Variants in LYPD6B observed in about 807,000 individuals in gnomAD.
The protein encoded by LYPD6B is ly6/PLAUR domain-containing protein 6B.
A neutral mutation model predicts 22.8 loss-of-function variants in LYPD6B; 17 were observed. The ratio of observed to expected loss-of-function variants is 0.75; its 90% CI spans 0.51 to 1.12. The LOEUF is 1.12. LYPD6B is among the 50% of genes most tolerant of loss of function. The pLI, the probability that LYPD6B is intolerant of heterozygous loss-of-function variation, is 0.00. For missense variants in LYPD6B, 221 were observed against 258.3 expected (o/e 0.86, Z 0.99); for synonymous variants, 106 against 91.6 (o/e 1.16, Z -0.90).
rs1408924279 is a variant in LYPD6B, at chr2:149,061,463, G to T, written c.-67+22662G>T. ...TTGCATTTTTGGTGGATTCCTTGGG[G>T]TTTTCTTTCTTCTCCCTGGTAGCCC... is the stretch of plus-strand genomic sequence containing the variant. On this transcript the variant is annotated intron_variant, in intron 1 of 6. Transcript: ENST00000409642. Among the ~76,000 whole-genome samples, 5 of 152,094 alleles carry T rather than the reference G, an allele frequency of 3.3e-5. No individual in the cohort carries two copies. The East Asian group carries it at 9.6e-4, about 29-fold the overall frequency.
intron 3 of LYPD6B, among the ~76,000 whole-genome samples, chr2:149,173,792 T>C (rs989530619): frequency 5.3e-5 from 8 of 152,092 alleles, no homozygotes; most frequent in African/African-American, 1.9e-4. Context: ...AACCAGCTAC[T>C]TATCTGCACA....
chr2:149,165,402 T>C (rs1392632441), intron 3 of LYPD6B, among the ~76,000 whole-genome samples: 2 of 152,142 alleles, frequency 1.3e-5, no homozygotes, highest in East Asian at 3.8e-4. Context: ...ATAAAAGCAA[T>C]CTGAAATTAC....
At chr2:149,120,379 A>ATTTTTTTTTTT (rs1371894805) in intron 1 of LYPD6B, among the ~76,000 whole-genome samples, 1 of 43,684 alleles carries the variant, frequency 2.3e-5, no homozygotes, top group African/African-American at 1.3e-4. Context: ...ATATATATAT[A>ATTTTTTTTTTT]TATATTTTTT....
intron 1 of LYPD6B, among the ~76,000 whole-genome samples, chr2:149,117,545 A>G (rs1205850670): frequency 1.3e-5 from 2 of 152,168 alleles, no homozygotes; most frequent in African/African-American, 4.8e-5. Flanking sequence ...TGCTGGGTTA[A>G]GGCTTTTGGA....
At position 149,163,116 on chromosome 2, in the gene LYPD6B, T is replaced by C. The variant is rs187833862; in HGVS notation, c.77+2281T>C. ...GCTCTGTGCCAAAACTAGCTGTAAGTTACTTTATTTTATGGCATCTTCATC... is the reference window on the plus strand; with the variant it reads ...GCTCTGTGCCAAAACTAGCTGTAAGCTACTTTATTTTATGGCATCTTCATC... On this transcript the variant is annotated intron_variant, in intron 3 of 6. Transcript: ENST00000409642. 5.0e-3 allele frequency among the ~76,000 whole-genome samples: 767 copies of C among 152,266 alleles called. 6 individuals are homozygous for C. The highest frequency in any genetic ancestry group is 0.011 in the South Asian group (55 of 4,818).
At chr2:149,069,939 GGTGT>G (rs373627034) in intron 1 of LYPD6B, among the ~76,000 whole-genome samples, 2 of 150,420 alleles carry the variant, frequency 1.3e-5, no homozygotes, top group Non-Finnish European at 3.0e-5. Context: ...AGAGATGGGT[GGTGT>G]GTGTGTGTGT....
At chr2:149,062,975 G>GAGCT (rs1175921820) in intron 1 of LYPD6B, among the ~76,000 whole-genome samples, 1 of 151,170 alleles carries the variant, frequency 6.6e-6, no homozygotes, top group Admixed American at 6.6e-5. Flanking sequence ...GGTAAAGAAG[G>GAGCT]AGCTGCAAGG....
rs370921735 is a variant in LYPD6B, at chr2:149,104,005, T to C, written c.-66-26878T>C. ...GTTGGTCAGGCTGGTCTCAAACTCC[T>C]GACCTCAAGTAATCTGTCCACTTCG... On this transcript the variant is annotated intron_variant, in intron 1 of 6. Transcript: ENST00000409642. Among the ~76,000 whole-genome samples the C allele has an allele frequency of 6.6e-5, 10 of 152,032 alleles. 1 individual carries two copies. The highest frequency in any genetic ancestry group is 3.9e-4 in the East Asian group (2 of 5,182).
chr2:149,129,189 C>T (rs1206294408), intron 1 of LYPD6B, among the ~76,000 whole-genome samples: 1 of 152,140 alleles, frequency 6.6e-6, no homozygotes, highest in Non-Finnish European at 1.5e-5. Flanking sequence ...GGAAGAATGA[C>T]CAAAATCCAT....
chr2:149,055,738 T>C (rs951713989), intron 1 of LYPD6B, among the ~76,000 whole-genome samples: 5 of 152,262 alleles, frequency 3.3e-5, no homozygotes, highest in Non-Finnish European at 7.3e-5. Context: ...GAAATCTTGC[T>C]GAACTTGTCA....
intron 3 of LYPD6B, among the ~76,000 whole-genome samples, chr2:149,183,445 AT>A (rs70994563): frequency 0.18 from 26,960 of 151,594 alleles, 2,544 homozygotes; most frequent in East Asian, 0.36. Flanking sequence ...TAAGAAAATA[AT>A]TTTTTTTTCC....
At chr2:149,076,969 T>C (rs1008011492) in intron 1 of LYPD6B, among the ~76,000 whole-genome samples, 3 of 152,146 alleles carry the variant, frequency 2.0e-5, no homozygotes, top group African/African-American at 7.2e-5. Context: ...AAACTCTTAG[T>C]AGGGAGAAGT....
intron 2 of LYPD6B, 76 bp downstream of exon 2, chr2:149,131,029 C>A: frequency 2.1e-6 from 2 of 957,514 alleles, no homozygotes; most frequent in South Asian, 1.4e-5. Flanking sequence ...ATGAGCTACT[C>A]ATGCTTCGCA....
chr2:149,082,397 C>T (rs1362369563), intron 1 of LYPD6B, among the ~76,000 whole-genome samples: 1 of 152,138 alleles, frequency 6.6e-6, no homozygotes, highest in Non-Finnish European at 1.5e-5. Context: ...GTGATATATT[C>T]TTTCTCATGA....
intron 4 of LYPD6B, among the ~76,000 whole-genome samples, 159 bp downstream of exon 4, chr2:149,205,563 T>A (rs1039244198): frequency 6.6e-6 from 1 of 152,196 alleles, no homozygotes; most frequent in African/African-American, 2.4e-5. Flanking sequence ...GGTAAGCATA[T>A]GGTAAGTGAA....
intron 5 of LYPD6B, among the ~76,000 whole-genome samples, chr2:149,210,690 G>C (rs1693788876): frequency 6.6e-6 from 1 of 152,142 alleles, no homozygotes; most frequent in Non-Finnish European, 1.5e-5. Context: ...ATTTACCCCG[G>C]CTTTTATGCT....
chr2:149,171,106 G>A (rs527262649), intron 3 of LYPD6B, among the ~76,000 whole-genome samples: 40 of 152,280 alleles, frequency 2.6e-4, no homozygotes, highest in African/African-American at 8.4e-4. Flanking sequence ...GTTGCAGGTG[G>A]GAGCAGCCAC....
chr2:149,129,530 GCTTTGTGGATTTCCTCCTC>G, intron 1 of LYPD6B, among the ~76,000 whole-genome samples: 1 of 152,222 alleles, frequency 6.6e-6, no homozygotes, highest in Non-Finnish European at 1.5e-5. Context: ...TGACTAATAA[GCTTTGTGGATTTCCTCCTC>G]GTGGTTTATA....
At chr2:149,108,271 A>G (rs1049912695) in intron 1 of LYPD6B, among the ~76,000 whole-genome samples, 14 of 152,218 alleles carry the variant, frequency 9.2e-5, no homozygotes, top group African/African-American at 3.1e-4. Flanking sequence ...CTGTAAGTCC[A>G]TTAAACCTCT....
Sources: gnomAD v4.1 joint callset for allele counts (sites outside exome capture counted in the v4.1 genomes callset) on GRCh38, gnomAD v4.1.1 for gene constraint, MANE v1.5 for transcripts, NCBI Gene and HGNC (gene_info 2026-07-23, HGNC 2026-07-21) for gene names.